The following TUBE1 variants were observed in gnomAD, a reference collection of about 807,000 sequenced individuals.
The protein encoded by TUBE1 is tubulin epsilon 1, also known as tubulin epsilon chain.
In TUBE1, 34 loss-of-function variants were observed where a neutral mutation model predicts 53.5. That is an observed-to-expected ratio of 0.64 (90% CI 0.48 to 0.85). The LOEUF (loss-of-function observed/expected upper bound fraction) is 0.85, where lower values mean the gene tolerates loss of function less well. TUBE1 is among the 40% of genes least tolerant of loss of function. TUBE1 has a pLI of 0.00. For synonymous variants in TUBE1, 177 were observed against 198.4 expected (o/e 0.89, Z 0.91); for missense variants, 532 against 570.5 (o/e 0.93, Z 0.69).
At chr6:112,078,615 T>C (rs1777013877) in intron 6 of TUBE1, 1 of 152,076 alleles carries the variant, frequency 6.6e-6, no homozygotes, top group Non-Finnish European at 1.5e-5. Flanking sequence ...CCTTTAGTAT[T>C]AATATTTATT....
At chr6:112,082,040 G>C (rs1470627214) in intron 4 of TUBE1, among the ~76,000 whole-genome samples, 1 of 152,116 alleles carries the variant, frequency 6.6e-6, no homozygotes, top group Non-Finnish European at 1.5e-5. Context: ...CAGTGTCACA[G>C]AGGAAGTGCT....
At chr6:112,083,006 T>C (rs145554040) in intron 4 of TUBE1, among the ~76,000 whole-genome samples, 89 of 152,256 alleles carry the variant, frequency 5.8e-4, no homozygotes, top group African/African-American at 2.1e-3. Flanking sequence ...TAGTGTTTCC[T>C]TCACCTCTCA....
At chr6:112,086,890 C>A (rs1351475889) in intron 2 of TUBE1, 1 of 488,370 alleles carries the variant, frequency 2.0e-6, no homozygotes, top group African/African-American at 2.0e-5. Flanking sequence ...TCTTCGTAAT[C>A]TTTTTAAAAG....
chr6:112,085,960 C>G (rs1777147562), intron 3 of TUBE1, among the ~76,000 whole-genome samples: 1 of 152,202 alleles, frequency 6.6e-6, no homozygotes, highest in Non-Finnish European at 1.5e-5. Flanking sequence ...CTATTTTAAA[C>G]TAGAACTGAT....
Position 112,076,312 on chromosome 6 carries a change from C to A in TUBE1, c.636+10G>T. On this transcript the variant is annotated intron_variant, in intron 7 of 11. Transcript: ENST00000368662. ...AACATTTATTCATAAGTTCCAATGT[C>A]ATTTCTTACTTGATTGTCAATGGGC... is the stretch of plus-strand genomic sequence containing the variant. 1 of 1,554,144 alleles carries A rather than the reference C, an allele frequency of 6.4e-7. No homozygotes were observed. The highest frequency in any genetic ancestry group is 8.7e-7 in the Non-Finnish European group (1 of 1,151,474).
At chr6:112,077,533 T>C (rs1191850140) in intron 6 of TUBE1, 1 of 152,164 alleles carries the variant, frequency 6.6e-6, no homozygotes, top group Non-Finnish European at 1.5e-5. Flanking sequence ...AATAACATTT[T>C]CTTAATATAT....
Position 112,087,226 on chromosome 6 carries a change from C to G in TUBE1, c.99+7G>C. The G allele has an allele frequency of 6.5e-7, 1 of 1,549,482 alleles. No homozygotes were observed. Among genetic ancestry groups the G allele is most frequent in the South Asian group, 1.2e-5 (1 of 83,806 alleles). ...AGGCGAGGGGGCTCGCGGCGGCGGGCGGGTACCTGGTTGACCGCGGCGTGC... is the reference window on the plus strand; with the variant it reads ...AGGCGAGGGGGCTCGCGGCGGCGGGGGGGTACCTGGTTGACCGCGGCGTGC... On this transcript the variant is annotated splice_region_variant and intron_variant, in intron 2 of 11. Coordinates refer to ENST00000368662, the MANE Select transcript of TUBE1 (RefSeq NM_016262.5).
Position 112,072,851 on chromosome 6 carries a change from A to G in TUBE1, c.1001T>C (p.Leu334Pro). ...SDAFSKDHQL[L>P]RADPKHSLYL... ...AAGACTGTGTTTGGGGTCTGCCCGA[A>G]GCAGCTGGTGATCTTTACTAAAGGC... The change falls in exon 10 of 12, where the codon CTT becomes CCT. Residue 334 changes from leucine (L) to proline (P), a missense_variant. Leu to Pro is a moderately conservative substitution (Grantham distance 98). Coordinates refer to ENST00000368662, the MANE Select transcript of TUBE1 (RefSeq NM_016262.5). 1 of 1,613,658 alleles carries G rather than the reference A, an allele frequency of 6.2e-7. No homozygotes were observed. The highest frequency in any genetic ancestry group is 8.5e-7 in the Non-Finnish European group (1 of 1,179,754).
At position 112,072,910 on chromosome 6, in the gene TUBE1, A is replaced by G. The variant is rs782413880; in HGVS notation, c.954-12T>C. On this transcript the variant is annotated splice_polypyrimidine_tract_variant and intron_variant, in intron 9 of 11. Transcript: ENST00000368662. Reference sequence around the variant, plus strand: ...ACATCTGATCCAATCTGCAACAATGAAATTGTCATTGTTTATACAAAATAT... The same window carrying G: ...ACATCTGATCCAATCTGCAACAATGGAATTGTCATTGTTTATACAAAATAT... The G allele has an allele frequency of 1.2e-6, 2 of 1,611,408 alleles. No individual in the cohort carries two copies. The highest frequency in any genetic ancestry group is 2.7e-5 in the African/African-American group (2 of 74,860).
In TUBE1 at chr6:112,079,771, G is replaced by A; in HGVS notation, c.327-17C>T. On this transcript the variant is annotated splice_polypyrimidine_tract_variant and intron_variant, in intron 5 of 11. Transcript: ENST00000368662. ...CCCACGGCCCTGAAAATTAGAATAT[G>A]GATTTTAAAAATTCCTTGCATTTAT... 1.3e-6 allele frequency: 2 copies of A among 1,583,694 alleles called. No homozygotes were observed. Among genetic ancestry groups the A allele is most frequent in the East Asian group, 2.3e-5 (1 of 43,974 alleles).
At position 112,081,040 on chromosome 6, in the gene TUBE1, G is replaced by A. The variant is rs1199276810; in HGVS notation, c.326+52C>T. 3.5e-6 allele frequency: 4 copies of A among 1,149,338 alleles called. No individual in the cohort carries two copies. The Admixed American group carries it at 5.4e-5, about 16-fold the overall frequency. The allele number at this position is 1,149,338 out of a possible 1,614,324, so 71.2% of individuals were successfully genotyped here. ...TCAGCAGAATCTCACAATGAAGAAA[G>A]ATTGCTCATTTTTTTCAGAAGATAT... On this transcript the variant is annotated intron_variant, in intron 5 of 11. Coordinates refer to ENST00000368662, the MANE Select transcript of TUBE1 (RefSeq NM_016262.5).
chr6:112,087,289 G>A lies in TUBE1; in HGVS notation c.43C>T (p.Gln15Ter), dbSNP rs1319402770. The change falls in exon 2 of 12, where the codon CAG (glutamine) becomes TAG (stop). Residue 15 changes from glutamine (Q) to a stop codon, truncating the protein, a stop_gained. Transcript: ENST00000368662. LOFTEE classifies it high-confidence loss of function. ...VVVQVGQCGN[Q>*]IGCCFWDLAL... ...AGGTCCCAGAAGCAGCAGCCGATCT[G>A]GTTTCCGCACTGGCCGACTGCGACC... 5 of 1,552,664 alleles carry A rather than the reference G, an allele frequency of 3.2e-6. No homozygotes were observed. Among genetic ancestry groups the A allele is most frequent in the Non-Finnish European group, 3.5e-6 (4 of 1,147,488 alleles).
At chr6:112,074,602 T>TTGTATCAC (rs1776922872) in intron 9 of TUBE1, 108 bp downstream of exon 9, 7 of 750,910 alleles carry the variant, frequency 9.3e-6, no homozygotes, top group Non-Finnish European at 1.3e-5. Context: ...CTCTCACAGA[T>TTGTATCAC]AAGATGATAC....
chr6:112,076,621 G>T, intron 6 of TUBE1, 112 bp from the exon 7 acceptor site: 1 of 897,148 alleles, frequency 1.1e-6, no homozygotes, highest in South Asian at 1.9e-5. Context: ...ACCCAGGCTG[G>T]AGTGCAGCAG....
Position 112,079,673 on chromosome 6 carries a change from A to G in TUBE1, c.408T>C (p.Asp136=). ...EKFRKSAEHC[D]CLQCFFIIHS... ...GTATTATAAAGAAACACTGCAAGCAATCACAGTGCTCTGCCGACTTTCTGA... is the reference window on the plus strand; with the variant it reads ...GTATTATAAAGAAACACTGCAAGCAGTCACAGTGCTCTGCCGACTTTCTGA... Residue 136 remains aspartate (D), a synonymous_variant, in exon 6 of 12, where the codon GAT becomes GAC. Coordinates refer to ENST00000368662, the MANE Select transcript of TUBE1 (RefSeq NM_016262.5). 11 of 1,612,738 alleles carry G rather than the reference A, an allele frequency of 6.8e-6. No homozygotes were observed. Among genetic ancestry groups the G allele is most frequent in the Non-Finnish European group, 9.3e-6 (11 of 1,179,220 alleles).
intron 6 of TUBE1, chr6:112,077,313 G>C (rs587696505): frequency 9.6e-4 from 146 of 152,162 alleles, no homozygotes; most frequent in African/African-American, 3.4e-3. Context: ...GCAGAAACTC[G>C]AGGAATCTCA....
At chr6:112,075,029 T>C (rs1776934660) in intron 8 of TUBE1, 179 bp from the exon 9 acceptor site, 3 of 322,914 alleles carry the variant, frequency 9.3e-6, no homozygotes, top group Non-Finnish European at 1.7e-5. Flanking sequence ...ATGTATAAAA[T>C]AAAATATAAC....
chr6:112,086,624 T>C lies in TUBE1; in HGVS notation c.100-16A>G. ...AAATTCCTTTCTAAAAAGAAAAACA[T>C]ATGTTAATAGCATTTAGGTTTTGCT... On this transcript the variant is annotated splice_polypyrimidine_tract_variant and intron_variant, in intron 2 of 11. Coordinates refer to ENST00000368662, the MANE Select transcript of TUBE1 (RefSeq NM_016262.5). 4 of 1,572,220 alleles carry C rather than the reference T, an allele frequency of 2.5e-6. No homozygotes were observed. Among genetic ancestry groups the C allele is most frequent in the Non-Finnish European group, 3.5e-6 (4 of 1,143,356 alleles).
Position 112,087,400 on chromosome 6 carries a change from C to T in TUBE1, c.25+10G>A, listed in dbSNP as rs1554317560. ...GGCGACCAGGTCTCTACCCGCCCGG[C>T]GTAGCTTACCCTGTACGACCACCGA... On this transcript the variant is annotated intron_variant, in intron 1 of 11. Coordinates refer to ENST00000368662, the MANE Select transcript of TUBE1 (RefSeq NM_016262.5). 3 of 1,551,066 alleles carry T rather than the reference C, an allele frequency of 1.9e-6. No homozygotes were observed. The highest frequency in any genetic ancestry group is 2.7e-5 in the African/African-American group (2 of 72,894).
Sources: allele counts gnomAD v4.1 joint callset (sites outside exome capture counted in the v4.1 genomes callset), GRCh38; gene constraint gnomAD v4.1.1; transcripts MANE v1.5; gene names NCBI Gene and HGNC (gene_info 2026-07-23, HGNC 2026-07-21).